HELZ: variants seen among roughly 807,000 people sequenced by gnomAD.
HELZ encodes the protein helicase with zinc finger, also known as ATP-dependent RNA helicase with zinc finger domain.
Under a neutral mutation model 218.2 loss-of-function variants are expected in HELZ, and 23 were observed. The observed-to-expected ratio is 0.11, with a 90% confidence interval of 0.08 to 0.15. HELZ has a LOEUF of 0.15. Among genes scored for constraint, HELZ ranks in the 10% least tolerant of loss-of-function variants. HELZ has a pLI of 1.00. For synonymous variants in HELZ, 814 were observed against 829.4 expected (o/e 0.98, Z 0.32); for missense variants, 1,813 against 2,353.7 (o/e 0.77, Z 4.75).
At chr17:67,105,309 T>C (rs1475747775) in intron 31 of HELZ, among the ~76,000 whole-genome samples, 3 of 152,214 alleles carry the variant, frequency 2.0e-5, no homozygotes, top group African/African-American at 4.8e-5. Context: ...ATAGACTTAC[T>C]ACATCACCCA....
chr17:67,234,485 A>G (rs1166775817), intron 3 of HELZ, among the ~76,000 whole-genome samples: 1 of 151,836 alleles, frequency 6.6e-6, no homozygotes, highest in Non-Finnish European at 1.5e-5. Flanking sequence ...TATGAACCCA[A>G]CTAAAGGCCC....
At chr17:67,098,377 A>ATTT (rs2036814493) in intron 31 of HELZ, among the ~76,000 whole-genome samples, 1 of 152,164 alleles carries the variant, frequency 6.6e-6, no homozygotes, top group Admixed American at 6.5e-5. Context: ...AAGTTACAAG[A>ATTT]TTTAAAGTCT....
intron 15 of HELZ, among the ~76,000 whole-genome samples, chr17:67,165,138 CAG>C (rs2039103865): frequency 6.6e-6 from 1 of 152,108 alleles, no homozygotes; most frequent in African/African-American, 2.4e-5. Context: ...AAGAGGAAAA[CAG>C]AGGTTACAGA....
At chr17:67,169,014 C>T (rs896207902) in intron 13 of HELZ, among the ~76,000 whole-genome samples, 4 of 151,986 alleles carry the variant, frequency 2.6e-5, no homozygotes, top group Non-Finnish European at 5.9e-5. Flanking sequence ...ATCACTTGAA[C>T]CCAGGAGGTG....
At chr17:67,123,613 T>G (rs1187889765) in intron 25 of HELZ, among the ~76,000 whole-genome samples, 1 of 152,242 alleles carries the variant, frequency 6.6e-6, no homozygotes, top group Non-Finnish European at 1.5e-5. Context: ...ATTTTTTATC[T>G]TGAAATATTT....
chr17:67,188,472 T>C lies in HELZ; in HGVS notation c.1009A>G (p.Met337Val). ...TAATGATCTAATCCATTTTGGGCCA[T>C]CTTTCCTCCTATCCATTCTTGACAG... is the stretch of plus-strand genomic sequence containing the variant. ...ENCQEWIGGK[M>V]AQNGLDHYVY... The change falls in exon 12 of 33, where the codon ATG becomes GTG. Residue 337 changes from methionine to valine, a missense_variant. Met to Val is a conservative substitution (Grantham distance 21, BLOSUM62 1). This residue lies in a region of HELZ where 714 missense variants were observed against 1,029.2 expected (regional missense o/e 0.69). Coordinates refer to ENST00000358691, the MANE Select transcript of HELZ (RefSeq NM_014877.4). This position sits in a 1 kb window ranked among gnomAD's most constrained non-coding sequence, Gnocchi z 4.1. 9.9e-6 allele frequency: 16 copies of C among 1,614,002 alleles called. No homozygotes were observed. The highest frequency in any genetic ancestry group is 1.4e-5 in the Non-Finnish European group (16 of 1,179,882).
In HELZ at chr17:67,086,866, A is replaced by G. The variant is rs756554080; in HGVS notation, c.5457T>C (p.Asn1819=). The change falls in exon 32 of 33, where the codon AAT becomes AAC. Residue 1819 remains asparagine, a synonymous_variant. Transcript: ENST00000358691. The part of the protein sequence containing the change: ...SSTPYQNIPC[N]GSSRTAQPRE... ...TGGGCTGAGCTGTCCTGCTGGATCC[A>G]TTGCACGGAATGTTCTGATAAGGAG... 6.2e-7 allele frequency: 1 copy of G among 1,613,516 alleles called. No individual in the cohort carries two copies. The highest frequency in any genetic ancestry group is 8.5e-7 in the Non-Finnish European group (1 of 1,179,956).
chr17:67,171,940 T>A (rs528624052), intron 13 of HELZ, among the ~76,000 whole-genome samples: 34 of 152,120 alleles, frequency 2.2e-4, no homozygotes, highest in African/African-American at 8.2e-4. Flanking sequence ...CAAGCGATTC[T>A]CCTGCTTCAG....
In HELZ at chr17:67,072,244, G is replaced by A. The variant is rs142176925; in HGVS notation, c.*6008C>T. ...CCAACTACTTGGGAGGCTGAGGCAGGAGAATCACTTGAAGCCGGGAGGCGG... is the reference window on the plus strand; with the variant it reads ...CCAACTACTTGGGAGGCTGAGGCAGAAGAATCACTTGAAGCCGGGAGGCGG... On this transcript the variant is annotated 3_prime_UTR_variant, in exon 33 of 33. Coordinates refer to ENST00000358691, the MANE Select transcript of HELZ (RefSeq NM_014877.4). The A allele has an allele frequency of 0.042, 6,407 of 152,656 alleles. 198 individuals are homozygous for A. Among genetic ancestry groups the A allele is most frequent in the Non-Finnish European group, 0.061 (4,175 of 68,254 alleles). The allele number at this position is 152,656 out of a possible 1,614,324, so 9.5% of individuals were successfully genotyped here.
chr17:67,120,586 C>T lies in HELZ; in HGVS notation c.3657G>A (p.Arg1219=). 1.2e-6 allele frequency: 2 copies of T among 1,612,716 alleles called. No homozygotes were observed. The highest frequency in any genetic ancestry group is 1.7e-6 in the Non-Finnish European group (2 of 1,179,810). ...LPVPWTGYQG[R]FAVDPRIITH... is the part of the protein sequence containing the mutation. Reference sequence around the variant, plus strand: ...TAATAATTCGAGGATCAACTGCAAACCTACCCTGGTATCCTGTCCATGGTA... The same window carrying T: ...TAATAATTCGAGGATCAACTGCAAATCTACCCTGGTATCCTGTCCATGGTA... The change falls in exon 27 of 33, where the codon AGG becomes AGA. Residue 1219 remains arginine (R), a synonymous_variant. Coordinates refer to ENST00000358691, the MANE Select transcript of HELZ (RefSeq NM_014877.4).
At position 67,166,670 on chromosome 17, in the gene HELZ, A is replaced by G. The variant is rs982021265; in HGVS notation, c.1765-62T>C. The G allele has an allele frequency of 1.2e-5, 18 of 1,473,778 alleles. 1 individual carries two copies. The African/African-American group carries it at 2.4e-4, about 19-fold the overall frequency. 91.3% of individuals were successfully genotyped at this position (1,473,778 alleles called of 1,614,324 possible). A position where few individuals can be genotyped will look rare whatever the true frequency, so the allele number is the denominator to read the frequency against. On this transcript the variant is annotated intron_variant, in intron 14 of 32. Coordinates refer to ENST00000358691, the MANE Select transcript of HELZ (RefSeq NM_014877.4). Reference sequence around the variant, plus strand: ...AAGCAAACATCAATGCTGGCAGCTCACTAGAATACTTTGGGAGGAATCTGT... The same window carrying G: ...AAGCAAACATCAATGCTGGCAGCTCGCTAGAATACTTTGGGAGGAATCTGT...
Position 67,151,255 on chromosome 17 carries a change from AT to A in HELZ, c.2178-32del, listed in dbSNP as rs2038672907. ...AAAGAAGAAAATATTTCTGATTTAC[AT>A]TTACTAATTTCTTAACAGTATCTAG... On this transcript the variant is annotated intron_variant, in intron 17 of 32. Transcript: ENST00000358691. 3.9e-6 allele frequency: 6 copies of A among 1,538,862 alleles called. No homozygotes were observed. In the South Asian group the frequency reaches 5.8e-5, roughly 15 times the overall value.
intron 11 of HELZ, among the ~76,000 whole-genome samples, chr17:67,189,214 A>C (rs561941223): frequency 5.3e-5 from 8 of 152,288 alleles, no homozygotes; most frequent in African/African-American, 1.7e-4. Context: ...CATCATATCA[A>C]ATATAAAAAC....
intron 4 of HELZ, among the ~76,000 whole-genome samples, chr17:67,217,903 T>G (rs921414857): frequency 2.8e-5 from 4 of 145,108 alleles, no homozygotes; most frequent in East Asian, 2.0e-4. Context: ...TATGGTGGGG[T>G]TTTTTTTTTG....
At chr17:67,094,023 G>A (rs573519155) in intron 31 of HELZ, among the ~76,000 whole-genome samples, 3 of 152,134 alleles carry the variant, frequency 2.0e-5, no homozygotes, top group African/African-American at 7.2e-5. Flanking sequence ...AAACCTGCAC[G>A]CATACTCCAC....
chr17:67,117,830 C>T (rs944830724), intron 27 of HELZ, among the ~76,000 whole-genome samples: 6 of 151,886 alleles, frequency 4.0e-5, no homozygotes, highest in Non-Finnish European at 7.4e-5. Context: ...GAATTACAGG[C>T]ATGAGCCACC....
Position 67,148,599 on chromosome 17 carries a change from T to C in HELZ, c.2591A>G (p.Glu864Gly), listed in dbSNP as rs1465441044. The change falls in exon 20 of 33, where the codon GAG becomes GGG. Residue 864 changes from glutamate to glycine, a missense_variant. Glu to Gly is a moderately conservative substitution (Grantham distance 98). Transcript: ENST00000358691. ...AEFPCRILLC[E>G]NYRSHEAIIN... Reference sequence around the variant, plus strand: ...GATAGCTTCATGGGAGCGGTAGTTCTCACACAGGAGAATCCTACATGGGAA... The same window carrying C: ...GATAGCTTCATGGGAGCGGTAGTTCCCACACAGGAGAATCCTACATGGGAA... 1 of 1,613,498 alleles carries C rather than the reference T, an allele frequency of 6.2e-7. No homozygotes were observed. Among genetic ancestry groups the C allele is most frequent in the East Asian group, 2.2e-5 (1 of 44,866 alleles).
At chr17:67,138,978 T>C (rs1438771574) in intron 21 of HELZ, among the ~76,000 whole-genome samples, 1 of 151,982 alleles carries the variant, frequency 6.6e-6, no homozygotes, top group East Asian at 1.9e-4. Flanking sequence ...AAAAAATATA[T>C]AAGGCAAGCA....
At chr17:67,119,898 C>G (rs2143818955) in intron 27 of HELZ, 2 of 399,472 alleles carry the variant, frequency 5.0e-6, no homozygotes, top group African/African-American at 2.2e-5. Context: ...CCTAAAGGAC[C>G]CTCTGAGGTT....
Sources: allele counts gnomAD v4.1 joint callset (sites outside exome capture counted in the v4.1 genomes callset), GRCh38; gene constraint gnomAD v4.1.1; regional missense constraint gnomAD v4.1.1; non-coding constraint Gnocchi (gnomAD v3.1); transcripts MANE v1.5; gene names NCBI Gene and HGNC (gene_info 2026-07-23, HGNC 2026-07-21).